Variants in AHRR observed in about 807,000 individuals in gnomAD.
AHRR encodes ahR repressor.
Under a neutral mutation model 44.0 loss-of-function variants are expected in AHRR, and 28 were observed. The observed-to-expected ratio is 0.64, with a 90% CI of 0.47 to 0.87. The LOEUF (loss-of-function observed/expected upper bound fraction) is 0.87, where lower values mean the gene tolerates loss of function less well. Ranked by LOEUF, AHRR falls within the 40% of genes least tolerant of loss-of-function variation. The pLI, the probability that AHRR is intolerant of heterozygous loss-of-function variation, is 0.00. For synonymous variants in AHRR, 434 were observed against 407.0 expected (o/e 1.07, Z -0.80); for missense variants, 990 against 953.9 (o/e 1.04, Z -0.50).
intron 5 of AHRR, chr5:418,917 A>T (rs944172712): frequency 6.6e-6 from 1 of 152,566 alleles, no homozygotes; most frequent in Non-Finnish European, 1.5e-5. Flanking sequence ...GAGTTGGAGA[A>T]GTCCCAGGAC....
At chr5:410,103 A>G (rs1735414288) in intron 4 of AHRR, among the ~76,000 whole-genome samples, 1 of 152,234 alleles carries the variant, frequency 6.6e-6, no homozygotes, top group Non-Finnish European at 1.5e-5. Flanking sequence ...CCAGAGCTTT[A>G]TAGGAAGCCA....
chr5:425,747 A>AT (rs1310201164), intron 7 of AHRR, among the ~76,000 whole-genome samples: 1 of 152,248 alleles, frequency 6.6e-6, no homozygotes, highest in Non-Finnish European at 1.5e-5. Context: ...GAGAAATTAG[A>AT]TTGATGCTAA....
chr5:374,582 G>A (rs1466827083), intron 3 of AHRR, among the ~76,000 whole-genome samples: 1 of 152,190 alleles, frequency 6.6e-6, no homozygotes, highest in Non-Finnish European at 1.5e-5. Context: ...GTTACATTTA[G>A]TGCAGTGAAC....
chr5:404,036 G>T lies in AHRR; in HGVS notation c.352-9308G>T. ...TTTTTCTTAATCCACGGCTGAATCT[G>T]TTTAGTCTTTGCATCCAAATCATGT... On this transcript the variant is annotated intron_variant, in intron 4 of 10. Transcript: ENST00000684583. The surrounding 1 kb of genome is among the most constrained non-coding windows in gnomAD (Gnocchi z 4.1). The T allele has an allele frequency of 1.3e-6, 1 of 758,124 alleles. No homozygotes were observed. The highest frequency in any genetic ancestry group is 2.3e-6 in the Non-Finnish European group (1 of 427,402). 47.0% of individuals were successfully genotyped at this position (758,124 alleles called of 1,614,324 possible).
At chr5:324,013 T>TTCTTTTCTTTCTTTCTTTCTTTCTTTC in intron 1 of AHRR, among the ~76,000 whole-genome samples, 1 of 138,394 alleles carries the variant, frequency 7.2e-6, no homozygotes, top group Admixed American at 6.9e-5. Flanking sequence ...TTCTCTTTCT[T>TTCTTTTCTTTCTTTCTTTCTTTCTTTC]TCTTTCTTTC....
At position 395,744 on chromosome 5, in the gene AHRR, C is replaced by T. The variant is rs1734675297; in HGVS notation, c.352-17600C>T. Among the ~76,000 whole-genome samples the T allele has an allele frequency of 1.3e-5, 2 of 152,248 alleles. No homozygotes were observed. The highest frequency in any genetic ancestry group is 2.1e-4 in the South Asian group (1 of 4,830). On this transcript the variant is annotated intron_variant, in intron 4 of 10. Coordinates refer to ENST00000684583, the MANE Select transcript of AHRR (RefSeq NM_001377236.1). This position sits in a 1 kb window ranked among gnomAD's most constrained non-coding sequence, Gnocchi z 5.3. Reference sequence around the variant, plus strand: ...ATTTAACAAGTGGGGAGACACTCCTCCGCCACAGGCTGCTGTCCTAAAGAA... The same window carrying T: ...ATTTAACAAGTGGGGAGACACTCCTTCGCCACAGGCTGCTGTCCTAAAGAA...
At chr5:416,675 A>C (rs1579691439) in intron 5 of AHRR, among the ~76,000 whole-genome samples, 1 of 152,024 alleles carries the variant, frequency 6.6e-6, no homozygotes, top group Admixed American at 6.5e-5. Flanking sequence ...TGCTTCCTTT[A>C]CACGTGTGGA....
chr5:377,850 C>T (rs1022722950), intron 4 of AHRR, among the ~76,000 whole-genome samples: 1 of 152,212 alleles, frequency 6.6e-6, no homozygotes, highest in African/African-American at 2.4e-5. Flanking sequence ...TTCAGGGGGA[C>T]TCTCCAAGAA....
intron 4 of AHRR, among the ~76,000 whole-genome samples, chr5:391,393 C>G (rs1310632137): frequency 9.6e-6 from 1 of 104,246 alleles, no homozygotes; most frequent in Admixed American, 9.1e-5. Flanking sequence ...GCGAGGAGGG[C>G]GCAGGGCGAG....
intron 3 of AHRR, among the ~76,000 whole-genome samples, chr5:376,390 C>T (rs1166358031): frequency 7.9e-6 from 1 of 126,636 alleles, no homozygotes; most frequent in Non-Finnish European, 1.8e-5. Context: ...CCTGCCTCTC[C>T]TGGCTGATCT....
intron 1 of AHRR, among the ~76,000 whole-genome samples, chr5:340,691 T>TA (rs1223845461): frequency 6.8e-5 from 3 of 44,170 alleles, no homozygotes; most frequent in African/African-American, 2.3e-4. Flanking sequence ...TATATATATT[T>TA]TTTTTTTTTT....
chr5:346,533 C>T (rs990297696), intron 2 of AHRR, among the ~76,000 whole-genome samples: 3 of 152,186 alleles, frequency 2.0e-5, no homozygotes, highest in African/African-American at 7.2e-5. Flanking sequence ...GTGACAAATA[C>T]GTCTGCTACC....
At chr5:378,515 G>T (rs937599050) in intron 4 of AHRR, among the ~76,000 whole-genome samples, 1 of 152,222 alleles carries the variant, frequency 6.6e-6, no homozygotes, top group Admixed American at 6.5e-5. Flanking sequence ...GTGTTTCTTT[G>T]TCCTGAGTTC....
At chr5:432,584 G>A in intron 9 of AHRR, 60 bp downstream of exon 9, 3 of 1,582,846 alleles carry the variant, frequency 1.9e-6, no homozygotes, top group Non-Finnish European at 1.7e-6. Context: ...TTCTGCCCTT[G>A]GAGAGCTTCC....
chr5:410,881 T>C (rs752306093), intron 4 of AHRR, among the ~76,000 whole-genome samples: 3 of 152,214 alleles, frequency 2.0e-5, no homozygotes, highest in Admixed American at 6.5e-5. Context: ...AATTTGCATA[T>C]TTCAAGGAAT....
chr5:344,872 G>A (rs1181286225), intron 2 of AHRR, among the ~76,000 whole-genome samples: 4 of 125,608 alleles, frequency 3.2e-5, no homozygotes, highest in Non-Finnish European at 4.8e-5. Flanking sequence ...CTGTGCAGGT[G>A]TGCAGGTGTG....
intron 3 of AHRR, among the ~76,000 whole-genome samples, chr5:364,600 A>G (rs1019178255): frequency 2.6e-5 from 4 of 152,176 alleles, no homozygotes; most frequent in Non-Finnish European, 5.9e-5. Context: ...ATCAAAAGGA[A>G]AAGACTAGAA....
Position 422,792 on chromosome 5 carries a change from C to A in AHRR, c.505C>A (p.Arg169=). The A allele has an allele frequency of 1.2e-6, 2 of 1,614,126 alleles. No homozygotes were observed. Among genetic ancestry groups the A allele is most frequent in the Middle Eastern group, 3.3e-4 (2 of 6,062 alleles). The change falls in exon 6 of 11, where the codon CGG becomes AGG. Residue 169 remains arginine (R), a synonymous_variant. Transcript: ENST00000684583. The part of the protein sequence containing the change: ...IHVDDRQDFC[R]QLHWAMDPPQ... ...CGTGGACGACCGCCAGGACTTCTGC[C>A]GGCAGCTCCACTGGGCCATGGACCC...
At chr5:394,618 C>T (rs138281195) in intron 4 of AHRR, among the ~76,000 whole-genome samples, 10,206 of 141,164 alleles carry the variant, frequency 0.072, 582 homozygotes, top group Admixed American at 0.1. Context: ...GTGCTGGAGC[C>T]CTCTTGTCTC....
Sources: gnomAD v4.1 joint callset for allele counts (sites outside exome capture counted in the v4.1 genomes callset) on GRCh38, gnomAD v4.1.1 for gene constraint, Gnocchi (gnomAD v3.1) non-coding constraint, MANE v1.5 for transcripts, NCBI Gene and HGNC (gene_info 2026-07-23, HGNC 2026-07-21) for gene names.